Variants in LIPC observed in about 807,000 individuals in gnomAD.
LIPC encodes hepatic triacylglycerol lipase.
LIPC carries 44 observed loss-of-function variants against 50.7 expected under a neutral mutation model. That is an observed-to-expected ratio of 0.87 (90% CI 0.68 to 1.11). LIPC has a LOEUF of 1.11. Ranked by LOEUF, LIPC falls within the 50% of genes most tolerant of loss-of-function variation. The probability of loss-of-function intolerance (pLI) is 0.00; values close to 1 mark genes in which losing one functional copy is unlikely to be tolerated. For synonymous variants in LIPC, 271 were observed against 256.4 expected, an observed-to-expected ratio of 1.06 and a Z score of -0.54; for missense variants, 697 against 648.2, an observed-to-expected ratio of 1.08 and a Z score of -0.82.
intron 1 of LIPC, among the ~76,000 whole-genome samples, chr15:58,466,201 C>T (rs761703713): frequency 2.0e-4 from 31 of 152,186 alleles, no homozygotes; most frequent in Non-Finnish European, 4.3e-4. Flanking sequence ...TACAGCAATG[C>T]GATGGGACGT....
chr15:58,569,822 A>G lies in LIPC; in HGVS notation c.*995A>G, dbSNP rs148412759. 1 of 155,482 alleles carries G rather than the reference A, an allele frequency of 6.4e-6. No individual in the cohort carries two copies. Among genetic ancestry groups the G allele is most frequent in the East Asian group, 1.9e-4 (1 of 5,402 alleles). The allele number at this position is 155,482 out of a possible 1,614,324, so 9.6% of individuals were successfully genotyped here. A position where few individuals can be genotyped will look rare whatever the true frequency, so the allele number is the denominator to read the frequency against. The stretch of plus-strand genomic sequence containing the variant: ...TTCTCAGCTTCCAGAACTGTGAGAA[A>G]TAAATGTTTCTTGTTTAAGCCATCC... On this transcript the variant is annotated 3_prime_UTR_variant, in exon 9 of 9. Transcript: ENST00000299022.
In LIPC at chr15:58,538,404, C is replaced by T; in HGVS notation, c.160C>T (p.Leu54Phe). The change falls in exon 2 of 9, where the codon CTC becomes TTC. Residue 54 changes from leucine (L) to phenylalanine (F), a missense_variant. Coordinates refer to ENST00000299022, the MANE Select transcript of LIPC (RefSeq NM_000236.3). ...TLHEMKTRFLLFGETNQGCQI... is the reference protein window; with the variant it reads ...TLHEMKTRFLFFGETNQGCQI... ...GCATGAGATGAAGACCAGATTCCTGCTCTTTGGAGAAACCAATCAGGGCTG... is the reference window on the plus strand; with the variant it reads ...GCATGAGATGAAGACCAGATTCCTGTTCTTTGGAGAAACCAATCAGGGCTG... 1 of 1,613,990 alleles carries T rather than the reference C, an allele frequency of 6.2e-7. No individual in the cohort carries two copies. The highest frequency in any genetic ancestry group is 1.1e-5 in the South Asian group (1 of 91,082).
At chr15:58,533,388 A>T (rs1223280898) in intron 1 of LIPC, among the ~76,000 whole-genome samples, 2 of 152,244 alleles carry the variant, frequency 1.3e-5, no homozygotes, top group African/African-American at 4.8e-5. Flanking sequence ...GCTGAAGATC[A>T]ATTTGAATAT....
intron 1 of LIPC, among the ~76,000 whole-genome samples, chr15:58,491,151 C>T (rs972918395): frequency 2.0e-5 from 3 of 152,174 alleles, no homozygotes; most frequent in Admixed American, 6.5e-5. Flanking sequence ...ACAGACATCC[C>T]GTGCACACAC....
Position 58,563,805 on chromosome 15 carries a change from C to T in LIPC, c.1388+82C>T, listed in dbSNP as rs934063021. 3.4e-5 allele frequency: 38 copies of T among 1,122,782 alleles called. No individual in the cohort carries two copies. In the East Asian group the frequency reaches 9.1e-4, roughly 27 times the overall value. 69.6% of individuals were successfully genotyped at this position (1,122,782 alleles called of 1,614,324 possible). ...AGTCTCACAATTTAATACTCACATT[C>T]ATCATGTGAGGTGAGTATTATTAGG... is the stretch of plus-strand genomic sequence containing the variant. On this transcript the variant is annotated intron_variant, in intron 8 of 8. Transcript: ENST00000299022.
chr15:58,433,487 G>A (rs962831580), intron 1 of LIPC, among the ~76,000 whole-genome samples: 3 of 152,108 alleles, frequency 2.0e-5, no homozygotes, highest in East Asian at 1.9e-4. Flanking sequence ...GGCTTCTTTC[G>A]TTCGACATTA....
chr15:58,487,587 A>G (rs954658798), intron 1 of LIPC, among the ~76,000 whole-genome samples: 21 of 152,252 alleles, frequency 1.4e-4, no homozygotes, highest in Admixed American at 1.3e-3. Context: ...CATATTATTT[A>G]CTACCTGATG....
chr15:58,528,671 G>A (rs1892861662), intron 1 of LIPC, among the ~76,000 whole-genome samples: 1 of 152,150 alleles, frequency 6.6e-6, no homozygotes, highest in African/African-American at 2.4e-5. Flanking sequence ...TACCCAGCTA[G>A]AGCCCAAGCT....
chr15:58,494,535 A>G (rs1343512839), intron 1 of LIPC, among the ~76,000 whole-genome samples: 1 of 152,216 alleles, frequency 6.6e-6, no homozygotes, highest in African/African-American at 2.4e-5. Context: ...AACAAAGGGA[A>G]GTATGCTGCA....
chr15:58,478,215 A>T (rs778807392), intron 1 of LIPC, among the ~76,000 whole-genome samples: 1 of 152,132 alleles, frequency 6.6e-6, no homozygotes, highest in Non-Finnish European at 1.5e-5. Flanking sequence ...GACACTTCAC[A>T]AACTCACTCT....
intron 1 of LIPC, among the ~76,000 whole-genome samples, chr15:58,528,600 G>A (rs537825071): frequency 6.6e-6 from 1 of 152,064 alleles, no homozygotes; most frequent in African/African-American, 2.4e-5. Flanking sequence ...TCTCGACCTC[G>A]CTCAGGTGAT....
At position 58,489,484 on chromosome 15, in the gene LIPC, T is replaced by C. The variant is rs191638108; in HGVS notation, c.89-48849T>C. On this transcript the variant is annotated intron_variant, in intron 1 of 8. Coordinates refer to ENST00000299022, the MANE Select transcript of LIPC (RefSeq NM_000236.3). ...TTAGGGAATGGGTGCTGCAGATTGG[T>C]TGGGGATGAAATCATAGGGTTATGG... Among the ~76,000 whole-genome samples the C allele has an allele frequency of 2.8e-3, 421 of 152,094 alleles. 5 individuals are homozygous for C. Among genetic ancestry groups the C allele is most frequent in the Admixed American group, 4.7e-3 (72 of 15,278 alleles).
intron 1 of LIPC, among the ~76,000 whole-genome samples, chr15:58,489,945 A>T (rs1395853210): frequency 1.3e-5 from 2 of 152,036 alleles, no homozygotes; most frequent in African/African-American, 4.8e-5. Flanking sequence ...ACTATGTCAG[A>T]TTTCTCTGTC....
intron 1 of LIPC, among the ~76,000 whole-genome samples, chr15:58,498,380 T>A (rs1891850280): frequency 1.3e-5 from 2 of 152,152 alleles, no homozygotes; most frequent in African/African-American, 2.4e-5. Context: ...ACTCTGAGAA[T>A]CACTTTGAGC....
rs1894470600 is a variant in LIPC, at chr15:58,568,828, G to C, written c.*1G>C. 1 of 1,550,162 alleles carries C rather than the reference G, an allele frequency of 6.5e-7. No individual in the cohort carries two copies. Among genetic ancestry groups the C allele is most frequent in the Non-Finnish European group, 8.9e-7 (1 of 1,125,762 alleles). On this transcript the variant is annotated 3_prime_UTR_variant, in exon 9 of 9. Coordinates refer to ENST00000299022, the MANE Select transcript of LIPC (RefSeq NM_000236.3). The stretch of plus-strand genomic sequence containing the variant: ...AACATCAAAGCGAAAGATCAGATGA[G>C]ATTTAATGAAGACCCAGTGTAAAGA...
At chr15:58,565,490 C>T in intron 8 of LIPC, 1 of 1,388,020 alleles carries the variant, frequency 7.2e-7, no homozygotes, top group African/African-American at 1.5e-5. Flanking sequence ...ACGGGGTGAG[C>T]ATTGAAGCAG....
chr15:58,524,508 T>C (rs2140880860), intron 1 of LIPC, among the ~76,000 whole-genome samples: 1 of 152,364 alleles, frequency 6.6e-6, no homozygotes, highest in South Asian at 2.1e-4. Context: ...TCATAGCTGT[T>C]GCCAAATCCC....
At chr15:58,566,690 G>A (rs1226500838) in intron 8 of LIPC, among the ~76,000 whole-genome samples, 1 of 152,204 alleles carries the variant, frequency 6.6e-6, no homozygotes, top group Non-Finnish European at 1.5e-5. Flanking sequence ...TGGAGATGGT[G>A]AAGAGAAAGA....
Position 58,548,423 on chromosome 15 carries a change from C to A in LIPC, c.902C>A (p.Pro301Gln). The A allele has an allele frequency of 6.2e-7, 1 of 1,614,100 alleles. No homozygotes were observed. Among genetic ancestry groups the A allele is most frequent in the East Asian group, 2.2e-5 (1 of 44,872 alleles). Residue 301 changes from proline (P) to glutamine (Q), a missense_variant, in exon 6 of 9, where the codon CCG (proline) becomes CAG (glutamine). By Grantham distance (76) the Pro-to-Gln change is moderately conservative (BLOSUM62 -1). Transcript: ENST00000299022. ...GCCGGCACGCAGAGCATGGCCTACC[C>A]GTGTGGTGACATGAACAGCTTCAGC... ...LHAGTQSMAY[P>Q]CGDMNSFSQG...
Sources: gnomAD v4.1 joint callset for allele counts (sites outside exome capture counted in the v4.1 genomes callset) on GRCh38, gnomAD v4.1.1 for gene constraint, MANE v1.5 for transcripts, NCBI Gene and HGNC (gene_info 2026-07-23, HGNC 2026-07-21) for gene names.